The following ALPK1 variants were observed in gnomAD, a reference collection of about 807,000 sequenced individuals.
The protein encoded by ALPK1 is alpha kinase 1, also known as alpha-protein kinase 1.
Under a neutral mutation model 120.6 loss-of-function variants are expected in ALPK1, and 110 were observed. The ratio of observed to expected loss-of-function variants is 0.91; its 90% CI spans 0.78 to 1.07. The LOEUF is 1.07. ALPK1 is among the 50% of genes least tolerant of loss of function. The probability of loss-of-function intolerance (pLI) is 0.00; values close to 1 mark genes in which losing one functional copy is unlikely to be tolerated. For missense variants in ALPK1, 1,498 were observed against 1,483.9 expected (o/e 1.01, Z -0.16); for synonymous variants, 582 against 560.3 (o/e 1.04, Z -0.55).
chr4:112,307,693 C>G (rs1216419822), intron 1 of ALPK1, among the ~76,000 whole-genome samples: 1 of 152,044 alleles, frequency 6.6e-6, no homozygotes, highest in East Asian at 1.9e-4. Context: ...GGTCTTGACT[C>G]CTTATCCAAT....
intron 2 of ALPK1, among the ~76,000 whole-genome samples, chr4:112,335,497 G>T (rs989487677): frequency 1.3e-5 from 2 of 152,086 alleles, no homozygotes; most frequent in African/African-American, 4.8e-5. Context: ...GTAGAAGCTG[G>T]AGCCATCTTG....
chr4:112,426,261 A>G (rs1005369337), intron 7 of ALPK1: 1 of 364,656 alleles, frequency 2.7e-6, no homozygotes, highest in Non-Finnish European at 4.9e-6. Context: ...ATATATAATA[A>G]TTCTGTTTCC....
At chr4:112,439,908 T>A in intron 14 of ALPK1, 36 bp downstream of exon 14, 1 of 1,501,602 alleles carries the variant, frequency 6.7e-7, no homozygotes, top group Non-Finnish European at 8.9e-7. Context: ...ATTTTTAATA[T>A]TATATGTAAA....
At chr4:112,340,333 C>A (rs1729803079) in intron 2 of ALPK1, among the ~76,000 whole-genome samples, 1 of 152,158 alleles carries the variant, frequency 6.6e-6, no homozygotes, top group African/African-American at 2.4e-5. Flanking sequence ...TTGTCTCTTG[C>A]ACGGTGGGAA....
rs1238759059 is a variant in ALPK1 at position 112,358,580 on chromosome 4, C to T, written c.-100-19098C>T. The T allele has an allele frequency of 4.9e-5, 35 of 714,682 alleles. 1 individual carries two copies. Among genetic ancestry groups the T allele is most frequent in the Non-Finnish European group, 6.3e-5 (25 of 396,674 alleles). 44.3% of individuals were successfully genotyped at this position (714,682 alleles called of 1,614,324 possible). A position where few individuals can be genotyped will look rare whatever the true frequency, so the allele number is the denominator to read the frequency against. Reference sequence around the variant, plus strand: ...GGAGCCAGACCCTGCCTGGCAGAGGCCCTGGGGGCTGCTGGCCGCCCTGGA... The same window carrying T: ...GGAGCCAGACCCTGCCTGGCAGAGGTCCTGGGGGCTGCTGGCCGCCCTGGA... On this transcript the variant is annotated intron_variant, in intron 2 of 15. Coordinates refer to ENST00000650871, the MANE Select transcript of ALPK1 (RefSeq NM_025144.4).
intron 1 of ALPK1, among the ~76,000 whole-genome samples, chr4:112,301,988 C>T (rs747871856): frequency 1.3e-4 from 20 of 152,186 alleles, no homozygotes; most frequent in African/African-American, 4.6e-4. Context: ...AAACCCTTCT[C>T]CTCCCTCACC....
intron 4 of ALPK1, among the ~76,000 whole-genome samples, chr4:112,399,874 T>G (rs1454386967): frequency 6.6e-6 from 1 of 152,174 alleles, no homozygotes; most frequent in African/African-American, 2.4e-5. Context: ...CTGTGTTAGT[T>G]TGCTGAGAAT....
chr4:112,423,232 G>A (rs7659216), intron 5 of ALPK1, among the ~76,000 whole-genome samples: 4,572 of 152,252 alleles, frequency 0.03, 216 homozygotes, highest in African/African-American at 0.1. Flanking sequence ...GGATGAAAGC[G>A]TTACACACTG....
intron 4 of ALPK1, chr4:112,384,355 A>G (rs1732057862): frequency 6.6e-6 from 1 of 152,248 alleles, no homozygotes; most frequent in East Asian, 1.9e-4. Context: ...AATGTTCTAC[A>G]GCTGTGTTCA....
intron 4 of ALPK1, among the ~76,000 whole-genome samples, chr4:112,408,664 G>A (rs538007852): frequency 1.3e-5 from 2 of 152,162 alleles, no homozygotes; most frequent in South Asian, 4.2e-4. Context: ...AGTAGAGATG[G>A]GGTTTCACCA....
At chr4:112,438,941 A>G (rs1734907934) in intron 13 of ALPK1, among the ~76,000 whole-genome samples, 1 of 152,150 alleles carries the variant, frequency 6.6e-6, no homozygotes, top group African/African-American at 2.4e-5. Context: ...TTCTCCTTTC[A>G]CTTTCAAGTA....
intron 5 of ALPK1, among the ~76,000 whole-genome samples, chr4:112,416,602 G>A (rs1733756947): frequency 6.6e-6 from 1 of 152,162 alleles, no homozygotes; most frequent in Non-Finnish European, 1.5e-5. Context: ...GGCCAGGCAT[G>A]GTGACTCACA....
chr4:112,412,368 A>C (rs1294422578), intron 5 of ALPK1: 2 of 494,298 alleles, frequency 4.0e-6, no homozygotes, highest in Admixed American at 4.6e-5. Flanking sequence ...TTTAAAAAGC[A>C]GATTAGAATT....
At chr4:112,430,207 T>C (rs1734474395) in intron 10 of ALPK1, among the ~76,000 whole-genome samples, 1 of 152,230 alleles carries the variant, frequency 6.6e-6, no homozygotes, top group Non-Finnish European at 1.5e-5. Context: ...TAATTGAAGC[T>C]GATTTCTTAC....
chr4:112,409,355 T>C (rs1386249150), intron 4 of ALPK1, among the ~76,000 whole-genome samples: 3 of 152,130 alleles, frequency 2.0e-5, no homozygotes, highest in African/African-American at 7.2e-5. Flanking sequence ...TCAGGGTCTT[T>C]GGGAGGATCT....
intron 11 of ALPK1, among the ~76,000 whole-genome samples, chr4:112,433,290 G>C (rs1734656047): frequency 6.6e-6 from 1 of 152,180 alleles, no homozygotes; most frequent in South Asian, 2.1e-4. Context: ...CTGCTTTCTG[G>C]TTCATTGACA....
intron 4 of ALPK1, among the ~76,000 whole-genome samples, chr4:112,409,177 T>C (rs1275029626): frequency 6.6e-6 from 1 of 152,156 alleles, no homozygotes; most frequent in Non-Finnish European, 1.5e-5. Context: ...GGTCAGGTTA[T>C]CAGGTAGCTA....
At chr4:112,316,645 A>T (rs1461561865) in intron 2 of ALPK1, among the ~76,000 whole-genome samples, 1 of 151,814 alleles carries the variant, frequency 6.6e-6, no homozygotes, top group African/African-American at 2.4e-5. Flanking sequence ...TTATTTTCTG[A>T]TTTTTTCATG....
At chr4:112,356,839 A>G (rs1168016910) in intron 2 of ALPK1, 1 of 730,964 alleles carries the variant, frequency 1.4e-6, no homozygotes, top group African/African-American at 1.7e-5. Flanking sequence ...GCCGCAGAGC[A>G]CACAACATTG....
Sources: allele counts gnomAD v4.1 joint callset (sites outside exome capture counted in the v4.1 genomes callset), GRCh38; gene constraint gnomAD v4.1.1; transcripts MANE v1.5; gene names NCBI Gene and HGNC (gene_info 2026-07-23, HGNC 2026-07-21).